Variants in TMEM101 observed in about 807,000 individuals in gnomAD.
TMEM101 encodes transmembrane protein 101, also known as putative NF-kappa-B-activating protein 130.
TMEM101 carries 14 observed loss-of-function variants against 26.0 expected under a neutral mutation model. The ratio of observed to expected loss-of-function variants is 0.54; its 90% confidence interval spans 0.36 to 0.84. The LOEUF (loss-of-function observed/expected upper bound fraction) is 0.84, where lower values mean the gene tolerates loss of function less well. Among genes scored for constraint, TMEM101 ranks in the 40% least tolerant of loss-of-function variants. The probability of loss-of-function intolerance (pLI) is 0.01; values close to 1 mark genes in which losing one functional copy is unlikely to be tolerated. For missense variants in TMEM101, 292 were observed against 345.1 expected (o/e 0.85, Z 1.22); for synonymous variants, 152 against 145.1 (o/e 1.05, Z -0.34).
upstream of TMEM101, chr17:44,019,507 A>C (rs2049266363): frequency 6.0e-6 from 1 of 165,370 alleles, no homozygotes; most frequent in South Asian, 1.3e-4. Context: ...CAAGGAACAT[A>C]AAAAGGTCAA....
chr17:44,018,936 G>C (rs936926054), upstream of TMEM101, among the ~76,000 whole-genome samples: 3 of 152,146 alleles, frequency 2.0e-5, no homozygotes, highest in Admixed American at 1.3e-4. Context: ...TCTAGGGTTG[G>C]GACAGATGCT....
chr17:44,012,771 G>C (rs2049177494), intron 3 of TMEM101: 2 of 434,740 alleles, frequency 4.6e-6, no homozygotes, highest in Non-Finnish European at 8.1e-6. Context: ...TGGCTCTCAG[G>C]GTTGAAATTT....
upstream of TMEM101, chr17:44,019,393 G>A (rs372509420): frequency 1.6e-5 from 6 of 371,480 alleles, no homozygotes; most frequent in East Asian, 9.8e-5. Context: ...GTGCACAGAC[G>A]AGGAGAGGTC....
At chr17:44,020,139 G>A (rs950892826) in intron 2 of TMEM101, among the ~76,000 whole-genome samples, 2 of 152,106 alleles carry the variant, frequency 1.3e-5, no homozygotes, top group African/African-American at 2.4e-5. Context: ...CAGGGAGTCC[G>A]GCGCATTCAT....
At chr17:44,018,227 G>A (rs2049252641), upstream of TMEM101, among the ~76,000 whole-genome samples, 1 of 152,292 alleles carries the variant, frequency 6.6e-6, no homozygotes, top group African/African-American at 2.4e-5. Context: ...CTACTCAGGA[G>A]GTTGAGGCAA....
rs566276136 is a variant in TMEM101 at position 44,012,992 on chromosome 17, A to G, written c.465+17T>C. On this transcript the variant is annotated intron_variant, in intron 3 of 3. Transcript: ENST00000206380. ...ACTCCCAGCCAGGCACCTCCAACCA[A>G]CAGTCCCCCAACATACCACACAGAT... 9 of 1,537,366 alleles carry G rather than the reference A, an allele frequency of 5.9e-6. No individual in the cohort carries two copies. The highest frequency in any genetic ancestry group is 1.2e-5 in the South Asian group (1 of 83,262).
In TMEM101 at chr17:44,011,957, T is replaced by C; in HGVS notation, c.745A>G (p.Thr249Ala). 1.2e-6 allele frequency: 2 copies of C among 1,612,660 alleles called. No homozygotes were observed. Among genetic ancestry groups the C allele is most frequent in the South Asian group, 2.2e-5 (2 of 91,044 alleles). ...LLGESVGIFGTAVILATDG is the reference protein window; with the variant it reads ...LLGESVGIFGAAVILATDG ...CCATCAGTGGCCAGGATGACAGCAG[T>C]TCCGAAGATGCCCACACTCTCTCCA... The change falls in exon 4 of 4, where the codon ACT becomes GCT. Residue 249 changes from threonine (T) to alanine (A), a missense_variant. By Grantham distance (58) the Thr-to-Ala change is moderately conservative. This residue lies in a region of TMEM101 where 149 missense variants were observed against 211.9 expected (regional missense o/e 0.70). Transcript: ENST00000206380.
upstream of TMEM101, among the ~76,000 whole-genome samples, chr17:44,015,383 TTC>T (rs893355413): frequency 1.4e-5 from 1 of 69,332 alleles, no homozygotes; most frequent in Admixed American, 2.1e-4. Flanking sequence ...AACTTTTTTT[TTC>T]TTTTTTTTTT....
In TMEM101 at chr17:44,014,963, G is replaced by A. The variant is rs745317288; in HGVS notation, c.-11C>T. ...TATCTTCGACGCCATCTTGGGAAAG[G>A]GCAGTCCGCTGCGGCCTCACCCCAG... is the stretch of plus-strand genomic sequence containing the variant. On this transcript the variant is annotated 5_prime_UTR_variant, in exon 1 of 4. Transcript: ENST00000206380. The A allele has an allele frequency of 5.6e-6, 9 of 1,606,634 alleles. No homozygotes were observed. The highest frequency in any genetic ancestry group is 7.7e-6 in the Non-Finnish European group (9 of 1,175,708).
upstream of TMEM101, among the ~76,000 whole-genome samples, chr17:44,019,071 C>T (rs375116220): frequency 2.4e-4 from 37 of 152,184 alleles, no homozygotes; most frequent in South Asian, 4.4e-3. Context: ...GTGTTCTGTG[C>T]GAGAGACGAG....
Position 44,011,802 on chromosome 17 carries a change from T to A in TMEM101, c.*126A>T, listed in dbSNP as rs2049160676. ...GCCTCTTAACTGCAAAAAACAATTT[T>A]AAAAAAGCAAAAGATCAAACAAACA... On this transcript the variant is annotated 3_prime_UTR_variant, in exon 4 of 4. Transcript: ENST00000206380. The A allele has an allele frequency of 2.6e-6, 3 of 1,160,422 alleles. No homozygotes were observed. Among genetic ancestry groups the A allele is most frequent in the Non-Finnish European group, 2.4e-6 (2 of 840,620 alleles). The allele number at this position is 1,160,422 out of a possible 1,614,324, so 71.9% of individuals were successfully genotyped here. A position where few individuals can be genotyped will look rare whatever the true frequency, so the allele number is the denominator to read the frequency against.
At chr17:44,022,213 C>T (rs770040592) in intron 1 of TMEM101, among the ~76,000 whole-genome samples, 1 of 152,166 alleles carries the variant, frequency 6.6e-6, no homozygotes, top group Admixed American at 6.5e-5. Flanking sequence ...TTTGGTAAAA[C>T]GGATTATTTC....
upstream of TMEM101, among the ~76,000 whole-genome samples, chr17:44,018,296 C>T (rs1340590866): frequency 6.6e-6 from 1 of 151,980 alleles, no homozygotes; most frequent in African/African-American, 2.4e-5. Flanking sequence ...CTGCACTCCA[C>T]CCTGGGTGAC....
chr17:44,014,552 T>C lies in TMEM101; in HGVS notation c.138-15A>G, dbSNP rs2144016114. 1 of 1,567,772 alleles carries C rather than the reference T, an allele frequency of 6.4e-7. No individual in the cohort carries two copies. The highest frequency in any genetic ancestry group is 2.3e-5 in the East Asian group (1 of 42,942). On this transcript the variant is annotated splice_polypyrimidine_tract_variant and intron_variant, in intron 1 of 3. Transcript: ENST00000206380. ...TGTCGGGCTTCCTGCGAGCCGGGAG[T>C]GGGGAAGCAACGAGGACAGAATGAA...
Position 44,011,854 on chromosome 17 carries a change from C to A in TMEM101, c.*74G>T. ...ACCAAAAAGCATAAATAAACAGCAG[C>A]TGGGCCAGCAAGGAGGAAGGCAGGG... On this transcript the variant is annotated 3_prime_UTR_variant, in exon 4 of 4. Coordinates refer to ENST00000206380, the MANE Select transcript of TMEM101 (RefSeq NM_032376.4). 7.0e-7 allele frequency: 1 copy of A among 1,422,164 alleles called. No individual in the cohort carries two copies. The highest frequency in any genetic ancestry group is 9.5e-7 in the Non-Finnish European group (1 of 1,047,544). The allele number at this position is 1,422,164 out of a possible 1,614,324, so 88.1% of individuals were successfully genotyped here.
At chr17:44,014,608 A>G in intron 1 of TMEM101, 71 bp from the exon 2 acceptor site, 2 of 1,541,586 alleles carry the variant, frequency 1.3e-6, no homozygotes, top group Admixed American at 3.7e-5. Context: ...AGACCCCTTG[A>G]GTTCCCACAG....
At chr17:44,013,984 A>G (rs1597870506) in intron 2 of TMEM101, among the ~76,000 whole-genome samples, 1 of 152,088 alleles carries the variant, frequency 6.6e-6, no homozygotes, top group East Asian at 1.9e-4. Context: ...CATAAAATTT[A>G]TTTTATGAAA....
chr17:44,021,402 T>A (rs1273825425), exon 2 of TMEM101: 1 of 152,192 alleles, frequency 6.6e-6, no homozygotes, highest in Non-Finnish European at 1.5e-5. Context: ...TGGTGGAAAT[T>A]TTGGCCTGTT....
chr17:44,012,069 C>T lies in TMEM101; in HGVS notation c.633G>A (p.Leu211=), dbSNP rs2144004297. The T allele has an allele frequency of 6.2e-7, 1 of 1,614,234 alleles. No individual in the cohort carries two copies. The highest frequency in any genetic ancestry group is 8.5e-7 in the Non-Finnish European group (1 of 1,180,048). ...CATCAATGAGCAGCATGACAGGGGG[C>T]AGCAGTACAGCCAGGATCTGGGCAG... The part of the protein sequence containing the change: ...TLAAQILAVL[L]PPVMLLIDGN... Residue 211 remains leucine, a synonymous_variant, in exon 4 of 4, where the codon CTG becomes CTA. Coordinates refer to ENST00000206380, the MANE Select transcript of TMEM101 (RefSeq NM_032376.4).
Sources: allele counts gnomAD v4.1 joint callset (sites outside exome capture counted in the v4.1 genomes callset), GRCh38; gene constraint gnomAD v4.1.1; regional missense constraint gnomAD v4.1.1; transcripts MANE v1.5; gene names NCBI Gene and HGNC (gene_info 2026-07-23, HGNC 2026-07-21).